The following MARCHF1 variants were observed in gnomAD, a reference collection of about 807,000 sequenced individuals.
MARCHF1 encodes the protein membrane associated ring-CH-type finger 1.
In MARCHF1, 40 loss-of-function variants were observed where a neutral mutation model predicts 54.2. The observed-to-expected ratio is 0.74, with a 90% CI of 0.57 to 0.96. MARCHF1 has a LOEUF of 0.96. Among genes scored for constraint, MARCHF1 ranks in the 40% least tolerant of loss-of-function variants. The pLI is 0.00. For synonymous variants in MARCHF1, 236 were observed against 236.3 expected, an observed-to-expected ratio of 1.00 and a Z score of 0.01; for missense variants, 586 against 656.5, an observed-to-expected ratio of 0.89 and a Z score of 1.17.
chr4:163,950,152 G>A (rs537956034), intron 3 of MARCHF1, among the ~76,000 whole-genome samples: 1 of 152,260 alleles, frequency 6.6e-6, no homozygotes, highest in East Asian at 1.9e-4. Flanking sequence ...TTCTGCCTGG[G>A]AGCCTGTCTG....
chr4:163,605,248 T>A (rs1741103586), intron 7 of MARCHF1, among the ~76,000 whole-genome samples: 1 of 151,970 alleles, frequency 6.6e-6, no homozygotes, highest in African/African-American at 2.4e-5. Flanking sequence ...GGGCAAAGGA[T>A]ATAAACAGAC....
chr4:163,843,398 T>A (rs1749395303), intron 4 of MARCHF1, among the ~76,000 whole-genome samples: 1 of 152,056 alleles, frequency 6.6e-6, no homozygotes, highest in Non-Finnish European at 1.5e-5. Flanking sequence ...GATTGCTGGG[T>A]TGAATGGCAG....
At chr4:164,044,614 G>A (rs1030592552) in intron 2 of MARCHF1, among the ~76,000 whole-genome samples, 2 of 152,122 alleles carry the variant, frequency 1.3e-5, no homozygotes, top group Non-Finnish European at 2.9e-5. Context: ...GTTTGACTTT[G>A]AGGGAGCAGG....
intron 2 of MARCHF1, among the ~76,000 whole-genome samples, chr4:164,018,136 A>G (rs927043697): frequency 3.1e-4 from 47 of 151,980 alleles, no homozygotes; most frequent in African/African-American, 1.1e-3. Flanking sequence ...TTTGCTTCAC[A>G]CGATAAACAA....
At chr4:163,800,520 A>T (rs1430213307) in intron 4 of MARCHF1, among the ~76,000 whole-genome samples, 2 of 151,936 alleles carry the variant, frequency 1.3e-5, no homozygotes, top group African/African-American at 4.8e-5. Flanking sequence ...GGGATACTTA[A>T]AGTAGCTCCC....
chr4:163,538,060 A>C (rs943243695), intron 9 of MARCHF1, among the ~76,000 whole-genome samples: 2 of 152,200 alleles, frequency 1.3e-5, no homozygotes, highest in African/African-American at 4.8e-5. Context: ...AGGAATCAAA[A>C]TGCTGCAGCC....
chr4:164,295,439 TACACACAA>T (rs1483532296), intron 1 of MARCHF1, among the ~76,000 whole-genome samples: 2 of 89,858 alleles, frequency 2.2e-5, no homozygotes, highest in Non-Finnish European at 5.7e-5. Context: ...CACACACACA[TACACACAA>T]ACACACACAC....
At chr4:164,025,976 A>T (rs769036138) in intron 2 of MARCHF1, among the ~76,000 whole-genome samples, 1 of 152,130 alleles carries the variant, frequency 6.6e-6, no homozygotes, top group African/African-American at 2.4e-5. Context: ...TACAGAGGAT[A>T]TGGATAAATT....
intron 5 of MARCHF1, among the ~76,000 whole-genome samples, chr4:163,678,002 G>T (rs575052365): frequency 3.9e-5 from 6 of 152,158 alleles, no homozygotes; most frequent in Non-Finnish European, 8.8e-5. Flanking sequence ...TCCAAGAATG[G>T]TGCCTAGAAT....
At chr4:163,868,789 C>T (rs996644177) in intron 3 of MARCHF1, among the ~76,000 whole-genome samples, 11 of 151,700 alleles carry the variant, frequency 7.3e-5, no homozygotes, top group South Asian at 2.1e-4. Flanking sequence ...TTTTTTGACA[C>T]GATAAAATAA....
At chr4:163,564,609 C>T (rs1239767376) in intron 8 of MARCHF1, among the ~76,000 whole-genome samples, 1 of 152,158 alleles carries the variant, frequency 6.6e-6, no homozygotes, top group Non-Finnish European at 1.5e-5. Flanking sequence ...ATTTTAAAAA[C>T]TATCTGAAAA....
At chr4:163,648,683 TATC>T (rs1742853796) in intron 5 of MARCHF1, among the ~76,000 whole-genome samples, 1 of 147,264 alleles carries the variant, frequency 6.8e-6, no homozygotes. Context: ...AGCTGAAAAT[TATC>T]ATGGAGAAGA....
intron 4 of MARCHF1, among the ~76,000 whole-genome samples, chr4:163,842,287 T>C (rs914779672): frequency 6.6e-6 from 1 of 152,024 alleles, no homozygotes; most frequent in African/African-American, 2.4e-5. Context: ...AAATTCTAGA[T>C]TCCCATCTGT....
intron 1 of MARCHF1, among the ~76,000 whole-genome samples, chr4:164,251,327 TA>T (rs1296489183): frequency 6.6e-6 from 1 of 152,152 alleles, no homozygotes. Context: ...GTTTTACTTT[TA>T]TTTCACGAGA....
At chr4:163,975,194 T>TCA (rs1287806249) in intron 3 of MARCHF1, among the ~76,000 whole-genome samples, 8 of 111,478 alleles carry the variant, frequency 7.2e-5, no homozygotes, top group African/African-American at 2.9e-4. Context: ...TCTCTCTCTC[T>TCA]CTCACACACA....
At chr4:164,256,463 GAAAA>G (rs1733286477) in intron 1 of MARCHF1, among the ~76,000 whole-genome samples, 1 of 142,874 alleles carries the variant, frequency 7.0e-6, no homozygotes, top group African/African-American at 2.6e-5. Context: ...GAAAAGAAAA[GAAAA>G]AGAAAGATTA....
intron 1 of MARCHF1, among the ~76,000 whole-genome samples, chr4:164,163,154 C>T (rs2110948561): frequency 6.6e-6 from 1 of 151,594 alleles, no homozygotes; most frequent in African/African-American, 2.4e-5. Context: ...AAAATTATCC[C>T]ACCTAGAAGA....
intron 4 of MARCHF1, among the ~76,000 whole-genome samples, chr4:163,732,304 G>A (rs1340575145): frequency 6.6e-6 from 1 of 151,908 alleles, no homozygotes; most frequent in Non-Finnish European, 1.5e-5. Flanking sequence ...TAGATGTGCA[G>A]GGAAAATAAT....
chr4:164,132,011 T>A (rs1046208148), intron 1 of MARCHF1, among the ~76,000 whole-genome samples: 5 of 152,144 alleles, frequency 3.3e-5, no homozygotes, highest in Non-Finnish European at 7.4e-5. Context: ...AAAGTATTGA[T>A]TCTTAACAGT....
Sources: allele counts gnomAD v4.1 joint callset (sites outside exome capture counted in the v4.1 genomes callset), GRCh38; gene constraint gnomAD v4.1.1; transcripts MANE v1.5; gene names NCBI Gene and HGNC (gene_info 2026-07-23, HGNC 2026-07-21).